The following WNT2 variants were observed in gnomAD, a reference collection of about 807,000 sequenced individuals.
The protein encoded by WNT2 is Wnt family member 2.
A neutral mutation model predicts 36.9 loss-of-function variants in WNT2; 12 were observed. That is an observed-to-expected ratio of 0.33 (90% CI 0.21 to 0.53). The LOEUF is 0.53. WNT2 is among the 20% of genes least tolerant of loss of function. The pLI, the probability that WNT2 is intolerant of heterozygous loss-of-function variation, is 0.95. For synonymous variants in WNT2, 163 were observed against 174.6 expected, an observed-to-expected ratio of 0.93 and a Z score of 0.52; for missense variants, 379 against 473.1, an observed-to-expected ratio of 0.80 and a Z score of 1.84.
At position 117,280,514 on chromosome 7, in the gene WNT2, TGG is replaced by T. The variant is rs1178682500; in HGVS notation, c.854-2132_854-2131del. 1.4e-4 allele frequency among the ~76,000 whole-genome samples: 22 copies of T among 152,276 alleles called. 1 individual carries two copies. The East Asian group carries it at 3.5e-3, about 24-fold the overall frequency. ...ATGTAAAGAGATACTTCCACTACTTTGGGTTGTTTGATTTGCTAAGGACCTAC... is the reference window on the plus strand; with the variant it reads ...ATGTAAAGAGATACTTCCACTACTTTGTTGTTTGATTTGCTAAGGACCTAC... On this transcript the variant is annotated intron_variant, in intron 4 of 4. Coordinates refer to ENST00000265441, the MANE Select transcript of WNT2 (RefSeq NM_003391.3).
intron 3 of WNT2, among the ~76,000 whole-genome samples, chr7:117,303,460 G>T (rs990859960): frequency 1.5e-4 from 23 of 152,152 alleles, no homozygotes; most frequent in African/African-American, 5.3e-4. Context: ...AAATACCAAT[G>T]GATCAATGGA....
In WNT2 at chr7:117,322,505, G is replaced by A. The variant is rs1795348738; in HGVS notation, c.83+402C>T. Among the ~76,000 whole-genome samples the A allele has an allele frequency of 6.7e-6, 1 of 149,184 alleles. No homozygotes were observed. Among genetic ancestry groups the A allele is most frequent in the Admixed American group, 6.7e-5 (1 of 14,924 alleles). The stretch of plus-strand genomic sequence containing the variant: ...TTTTGGCGGGGTGGGGGCTGGGATG[G>A]GGGAGGCGGTTGTAGTTTTCAAGGT... On this transcript the variant is annotated intron_variant, in intron 1 of 4. Coordinates refer to ENST00000265441, the MANE Select transcript of WNT2 (RefSeq NM_003391.3). The surrounding 1 kb of genome is among the most constrained non-coding windows in gnomAD (Gnocchi z 5.4).
At chr7:117,294,788 CGTT>C (rs768831088) in intron 4 of WNT2, among the ~76,000 whole-genome samples, 4 of 152,098 alleles carry the variant, frequency 2.6e-5, no homozygotes, top group Non-Finnish European at 5.9e-5. Flanking sequence ...AGAGTAAAAT[CGTT>C]GTTGAAAAGA....
At chr7:117,312,173 G>GT (rs1274364135) in intron 3 of WNT2, among the ~76,000 whole-genome samples, 13 of 151,772 alleles carry the variant, frequency 8.6e-5, no homozygotes, top group Middle Eastern at 3.4e-3. Context: ...TGTTTGTTTT[G>GT]TTTTTTTTGA....
chr7:117,298,084 G>A (rs948332597), intron 3 of WNT2, among the ~76,000 whole-genome samples: 1 of 152,194 alleles, frequency 6.6e-6, no homozygotes, highest in Non-Finnish European at 1.5e-5. Context: ...TGGGTGGAGA[G>A]GGGAGGGATA....
At chr7:117,288,310 A>C (rs1303620182) in intron 4 of WNT2, among the ~76,000 whole-genome samples, 1 of 152,224 alleles carries the variant, frequency 6.6e-6, no homozygotes, top group East Asian at 1.9e-4. Context: ...GCTAGATGAA[A>C]CAGCCATTTC....
chr7:117,289,403 T>G (rs984096725), intron 4 of WNT2, among the ~76,000 whole-genome samples: 9 of 152,060 alleles, frequency 5.9e-5, no homozygotes, highest in Non-Finnish European at 1.0e-4. Context: ...GCAAGCAACA[T>G]CTGAAACTCC....
intron 4 of WNT2, among the ~76,000 whole-genome samples, chr7:117,290,399 C>T (rs1345378835): frequency 6.6e-6 from 1 of 152,094 alleles, no homozygotes; most frequent in Non-Finnish European, 1.5e-5. Flanking sequence ...TACTATATGC[C>T]ACTAAAGAGT....
rs1039070025 is a variant in WNT2, at chr7:117,284,784, A to G, written c.854-6400T>C. ...CATTTTGCCTGCATTGTCTAATTTA[A>G]TTCTCATAAGCTTATAAGGAAGGTA... On this transcript the variant is annotated intron_variant, in intron 4 of 4. Transcript: ENST00000265441. The surrounding 1 kb of genome is among the most constrained non-coding windows in gnomAD (Gnocchi z 5.2). Among the ~76,000 whole-genome samples, 3 of 152,336 alleles carry G rather than the reference A, an allele frequency of 2.0e-5. No homozygotes were observed. The highest frequency in any genetic ancestry group is 7.2e-5 in the African/African-American group (3 of 41,570).
intron 3 of WNT2, among the ~76,000 whole-genome samples, chr7:117,309,358 C>T (rs1795079416): frequency 6.6e-6 from 1 of 152,072 alleles, no homozygotes; most frequent in Non-Finnish European, 1.5e-5. Context: ...CAGGGGCAGG[C>T]CCTAGTGCTC....
intron 2 of WNT2, among the ~76,000 whole-genome samples, chr7:117,319,532 G>GA (rs1795286367): frequency 1.4e-5 from 2 of 143,754 alleles, no homozygotes; most frequent in South Asian, 4.7e-4. Flanking sequence ...TGGGGGGGGG[G>GA]GTAGGCAAAA....
intron 3 of WNT2, among the ~76,000 whole-genome samples, chr7:117,305,775 T>A (rs543535958): frequency 6.6e-6 from 1 of 152,252 alleles, no homozygotes; most frequent in East Asian, 1.9e-4. Flanking sequence ...TGGGCTCGAG[T>A]GATCCTCCTA....
In WNT2 at chr7:117,278,084, A is replaced by G. The variant is rs1178436472; in HGVS notation, c.*71T>C. The G allele has an allele frequency of 1.3e-6, 2 of 1,521,650 alleles. No individual in the cohort carries two copies. The highest frequency in any genetic ancestry group is 1.8e-6 in the Non-Finnish European group (2 of 1,103,620). The allele number at this position is 1,521,650 out of a possible 1,614,324, so 94.3% of individuals were successfully genotyped here. A position where few individuals can be genotyped will look rare whatever the true frequency, so the allele number is the denominator to read the frequency against. ...GAAATATCCCCCCAGAAAGAACCCA[A>G]AGGTCCAGTGTTCTTGCAGATCCAA... On this transcript the variant is annotated 3_prime_UTR_variant, in exon 5 of 5. Transcript: ENST00000265441.
intron 3 of WNT2, chr7:117,301,110 T>C (rs936920572): frequency 2.6e-5 from 4 of 152,328 alleles, no homozygotes; most frequent in East Asian, 3.9e-4. Context: ...GGTACCATGG[T>C]CACTTCTTGG....
intron 3 of WNT2, among the ~76,000 whole-genome samples, chr7:117,298,986 G>T (rs79645257): frequency 0.037 from 5,702 of 152,194 alleles, 160 homozygotes; most frequent in African/African-American, 0.053. Context: ...TGTGGATGGG[G>T]TACCCACTAC....
intron 4 of WNT2, among the ~76,000 whole-genome samples, chr7:117,292,017 G>A (rs1794699136): frequency 6.6e-6 from 1 of 152,076 alleles, no homozygotes; most frequent in Non-Finnish European, 1.5e-5. Context: ...ACTCAGGTGA[G>A]CCGCCCTCCT....
chr7:117,316,798 C>G (rs1268100109), intron 2 of WNT2, among the ~76,000 whole-genome samples: 1 of 152,136 alleles, frequency 6.6e-6, no homozygotes, highest in Non-Finnish European at 1.5e-5. Flanking sequence ...CCATAGGTAG[C>G]AGGTAGTGCT....
chr7:117,283,514 G>C (rs1794531573), intron 4 of WNT2, among the ~76,000 whole-genome samples: 1 of 152,200 alleles, frequency 6.6e-6, no homozygotes, highest in African/African-American at 2.4e-5. Flanking sequence ...TAACTTGGTA[G>C]TCTTTCTTTC....
chr7:117,283,952 G>T (rs145024149), intron 4 of WNT2, among the ~76,000 whole-genome samples: 1,721 of 152,252 alleles, frequency 0.011, 18 homozygotes, highest in Non-Finnish European at 0.019. Context: ...AGCTGTGACG[G>T]GCCCCCATGA....
Sources: gnomAD v4.1 joint callset for allele counts (sites outside exome capture counted in the v4.1 genomes callset) on GRCh38, gnomAD v4.1.1 for gene constraint, Gnocchi (gnomAD v3.1) non-coding constraint, MANE v1.5 for transcripts, NCBI Gene and HGNC (gene_info 2026-07-23, HGNC 2026-07-21) for gene names.